Variants in SLC9C2 observed in about 807,000 individuals in gnomAD.
SLC9C2 encodes the protein solute carrier family 9 member C2 (putative), also known as sodium/hydrogen exchanger 11.
Under a neutral mutation model 140.2 loss-of-function variants are expected in SLC9C2, and 75 were observed. The observed-to-expected ratio is 0.53, with a 90% CI of 0.44 to 0.65. The LOEUF (loss-of-function observed/expected upper bound fraction) is 0.65. SLC9C2 is among the 30% of genes least tolerant of loss of function. SLC9C2 has a pLI of 0.00. For synonymous variants in SLC9C2, 375 were observed against 420.9 expected (o/e 0.89, Z 1.34); for missense variants, 1,074 against 1,331.8 (o/e 0.81, Z 3.01).
chr1:173,574,808 C>A (rs1367463785), intron 8 of SLC9C2, among the ~76,000 whole-genome samples: 1 of 151,964 alleles, frequency 6.6e-6, no homozygotes, highest in East Asian at 1.9e-4. Context: ...CCGCACCCGG[C>A]CTGAGTTAAA....
intron 17 of SLC9C2, among the ~76,000 whole-genome samples, chr1:173,531,104 A>G (rs10912634): frequency 0.2 from 29,818 of 152,156 alleles, 4,218 homozygotes; most frequent in East Asian, 0.64. Context: ...GACAATGGCT[A>G]TGAGCCACCT....
intron 10 of SLC9C2, among the ~76,000 whole-genome samples, chr1:173,556,811 C>G (rs1270233843): frequency 1.3e-5 from 2 of 151,700 alleles, no homozygotes; most frequent in East Asian, 3.9e-4. Context: ...ACCTGTAATC[C>G]CAGCTACTTG....
chr1:173,518,264 A>AG (rs1303083403), intron 22 of SLC9C2, among the ~76,000 whole-genome samples: 5 of 116,004 alleles, frequency 4.3e-5, no homozygotes, highest in African/African-American at 1.7e-4. Flanking sequence ...TCCATCTCAA[A>AG]GAAAAAAAAA....
intron 27 of SLC9C2, among the ~76,000 whole-genome samples, chr1:173,502,030 T>A (rs979509814): frequency 6.6e-6 from 1 of 151,942 alleles, no homozygotes; most frequent in Non-Finnish European, 1.5e-5. Flanking sequence ...TCCCAGCACT[T>A]TGGGAGGCCA....
At chr1:173,585,778 C>T (rs1199704528) in intron 5 of SLC9C2, among the ~76,000 whole-genome samples, 1 of 152,054 alleles carries the variant, frequency 6.6e-6, no homozygotes, top group Non-Finnish European at 1.5e-5. Context: ...ATCAGCCTGG[C>T]CAACATGGCA....
intron 8 of SLC9C2, among the ~76,000 whole-genome samples, chr1:173,575,725 T>G (rs748691511): frequency 2.0e-5 from 3 of 151,968 alleles, no homozygotes; most frequent in Admixed American, 6.6e-5. Context: ...TACAGGAGCC[T>G]GCCACCACGC....
At chr1:173,516,495 T>A (rs1032781106) in intron 23 of SLC9C2, among the ~76,000 whole-genome samples, 4 of 152,144 alleles carry the variant, frequency 2.6e-5, no homozygotes, top group Non-Finnish European at 5.9e-5. Context: ...CCCCAGTGTG[T>A]TTTATTCCCC....
At chr1:173,504,312 A>G (rs1369464761) in intron 26 of SLC9C2, among the ~76,000 whole-genome samples, 3 of 152,172 alleles carry the variant, frequency 2.0e-5, no homozygotes, top group East Asian at 1.9e-4. Context: ...TCTCCTCCCT[A>G]TGAAGGCAAA....
Position 173,521,406 on chromosome 1 carries a change from G to C in SLC9C2, c.2641-7C>G, listed in dbSNP as rs1660802059. On this transcript the variant is annotated splice_polypyrimidine_tract_variant and splice_region_variant and intron_variant, in intron 21 of 27. Coordinates refer to ENST00000367714, the MANE Select transcript of SLC9C2 (RefSeq NM_178527.4). ...AGGCAAGTTTGGCTCTTTCCTGAGT[G>C]GGAAAAAAAAAAACGAAAAGAAAAA... is the stretch of plus-strand genomic sequence containing the variant. The C allele has an allele frequency of 7.0e-7, 1 of 1,432,268 alleles. No homozygotes were observed. The highest frequency in any genetic ancestry group is 1.7e-5 in the South Asian group (1 of 60,510). 88.7% of individuals were successfully genotyped at this position (1,432,268 alleles called of 1,614,324 possible).
intron 4 of SLC9C2, among the ~76,000 whole-genome samples, chr1:173,594,788 T>A (rs1362323500): frequency 6.6e-6 from 1 of 152,226 alleles, no homozygotes; most frequent in Non-Finnish European, 1.5e-5. Flanking sequence ...ATTTAAGATT[T>A]TTAAAACGTA....
intron 9 of SLC9C2, among the ~76,000 whole-genome samples, chr1:173,568,444 C>T (rs1210063164): frequency 6.6e-6 from 1 of 152,106 alleles, no homozygotes; most frequent in Non-Finnish European, 1.5e-5. Context: ...ATCCATGTTC[C>T]ACAAAAGACA....
chr1:173,546,164 C>G (rs1295392270), intron 13 of SLC9C2, among the ~76,000 whole-genome samples: 2 of 152,080 alleles, frequency 1.3e-5, no homozygotes, highest in Admixed American at 6.6e-5. Flanking sequence ...TGGACGAGAG[C>G]CTTTCAAACT....
chr1:173,552,577 T>C (rs1373209989), intron 11 of SLC9C2, among the ~76,000 whole-genome samples: 2 of 152,160 alleles, frequency 1.3e-5, no homozygotes, highest in African/African-American at 4.8e-5. Flanking sequence ...AAGCTAAATG[T>C]ATTCTGTCTG....
chr1:173,601,551 G>T, intron 2 of SLC9C2, 99 bp downstream of exon 2: 1 of 1,340,350 alleles, frequency 7.5e-7, no homozygotes, highest in Non-Finnish European at 1.0e-6. Context: ...TCGTTTCAAT[G>T]GGCCCCTTCT....
intron 9 of SLC9C2, among the ~76,000 whole-genome samples, chr1:173,571,085 G>T (rs866629170): frequency 6.6e-6 from 1 of 152,082 alleles, no homozygotes; most frequent in Non-Finnish European, 1.5e-5. Context: ...CCTGCAGGGG[G>T]GTGAGAGGGA....
At chr1:173,549,810 C>A (rs781052859) in intron 11 of SLC9C2, among the ~76,000 whole-genome samples, 37 of 152,002 alleles carry the variant, frequency 2.4e-4, no homozygotes, top group Admixed American at 2.1e-3. Flanking sequence ...TTAATACAAT[C>A]AAAAATTTAT....
Position 173,597,920 on chromosome 1 carries a change from T to C in SLC9C2, c.341A>G (p.Lys114Arg). Residue 114 changes from lysine to arginine, a missense_variant, in exon 4 of 28, where the codon AAG becomes AGG. Physicochemically the swap from Lys to Arg is conservative, Grantham distance 26. Coordinates refer to ENST00000367714, the MANE Select transcript of SLC9C2 (RefSeq NM_178527.4). The part of the protein sequence containing the change: ...VALDVEFYTL[K>R]KMFWQVLLTG... ...TGTTCTTACCTGCCAAAACATTTTC[T>C]TGAGTGTATAAAATTCTACATCCAA... 1 of 1,585,046 alleles carries C rather than the reference T, an allele frequency of 6.3e-7. No homozygotes were observed. Among genetic ancestry groups the C allele is most frequent in the Non-Finnish European group, 8.6e-7 (1 of 1,168,062 alleles).
intron 14 of SLC9C2, among the ~76,000 whole-genome samples, chr1:173,536,493 C>T (rs909623457): frequency 6.6e-6 from 1 of 152,298 alleles, no homozygotes; most frequent in South Asian, 2.1e-4. Flanking sequence ...TTGTCAGCAC[C>T]AGCAGTTGGG....
intron 20 of SLC9C2, 22 bp downstream of exon 20, chr1:173,524,757 G>A (rs777611319): frequency 4.6e-5 from 74 of 1,611,744 alleles, no homozygotes; most frequent in Non-Finnish European, 5.3e-5. Context: ...GGTGTTATGC[G>A]GACAGAATCA....
Sources: gnomAD v4.1 joint callset for allele counts (sites outside exome capture counted in the v4.1 genomes callset) on GRCh38, gnomAD v4.1.1 for gene constraint, MANE v1.5 for transcripts, NCBI Gene and HGNC (gene_info 2026-07-23, HGNC 2026-07-21) for gene names.